Variants in GRM8 observed in about 807,000 individuals in gnomAD.
GRM8 encodes glutamate metabotropic receptor 8.
GRM8 carries 47 observed loss-of-function variants against 87.2 expected under a neutral mutation model. The ratio of observed to expected loss-of-function variants is 0.54; its 90% CI spans 0.43 to 0.69. The LOEUF is 0.69. GRM8 is among the 30% of genes least tolerant of loss of function. GRM8 has a pLI of 0.00. For synonymous variants in GRM8, 396 were observed against 404.5 expected (o/e 0.98, Z 0.25); for missense variants, 1,019 against 1,139.2 (o/e 0.89, Z 1.52).
chr7:127,075,941 C>T (rs186491504), intron 3 of GRM8: 4 of 319,202 alleles, frequency 1.3e-5, no homozygotes, highest in Non-Finnish European at 2.5e-5. Flanking sequence ...CCAAGAGCAC[C>T]CAGCAGAAGG....
intron 9 of GRM8, among the ~76,000 whole-genome samples, chr7:126,517,583 T>C (rs1349806520): frequency 6.6e-6 from 1 of 152,148 alleles, no homozygotes; most frequent in Non-Finnish European, 1.5e-5. Flanking sequence ...AGTTGTTATG[T>C]TAAACAGTGT....
chr7:126,802,070 A>G (rs983764610), intron 6 of GRM8, among the ~76,000 whole-genome samples: 1 of 152,204 alleles, frequency 6.6e-6, no homozygotes, highest in Admixed American at 6.5e-5. Context: ...AGCAAATAAA[A>G]ACTATATATT....
intron 7 of GRM8, among the ~76,000 whole-genome samples, chr7:126,739,519 G>A (rs1019656545): frequency 1.1e-4 from 16 of 151,816 alleles, no homozygotes; most frequent in Admixed American, 2.6e-4. Context: ...ATAAGACCAC[G>A]GTGTTACGTT....
chr7:126,757,839 C>T (rs1186171358), intron 7 of GRM8, among the ~76,000 whole-genome samples: 1 of 152,268 alleles, frequency 6.6e-6, no homozygotes, highest in East Asian at 1.9e-4. Context: ...AACCAACAAC[C>T]TCCACCTTCT....
At chr7:127,193,597 G>C (rs1265236202) in intron 2 of GRM8, among the ~76,000 whole-genome samples, 1 of 152,180 alleles carries the variant, frequency 6.6e-6, no homozygotes, top group Admixed American at 6.5e-5. Context: ...GTCTTTCTGA[G>C]GCTTAAAGAG....
intron 2 of GRM8, among the ~76,000 whole-genome samples, chr7:127,138,079 T>C (rs771732104): frequency 7.2e-5 from 11 of 152,236 alleles, no homozygotes; most frequent in Non-Finnish European, 5.9e-5. Context: ...ATCAAAAGTA[T>C]ACAAGCAGCA....
chr7:126,726,580 T>A lies in GRM8; in HGVS notation c.1357+43285A>T, dbSNP rs138077690. Among the ~76,000 whole-genome samples, 1,345 of 152,226 alleles carry A rather than the reference T, an allele frequency of 8.8e-3. 21 individuals are homozygous for A. Among genetic ancestry groups the A allele is most frequent in the African/African-American group, 0.03 (1,253 of 41,538 alleles). On this transcript the variant is annotated intron_variant, in intron 7 of 10. Coordinates refer to ENST00000339582, the MANE Select transcript of GRM8 (RefSeq NM_000845.3). ...GCCCAGAACAGGGCTGGGGCCCTGG[T>A]CCTATTGCCATTATCTTCCCCAAAA...
intron 3 of GRM8, among the ~76,000 whole-genome samples, chr7:127,102,030 C>T (rs1183104141): frequency 1.3e-5 from 2 of 152,198 alleles, no homozygotes; most frequent in African/African-American, 4.8e-5. Context: ...TATGCCTTAG[C>T]AAATAACTTG....
At chr7:126,619,841 C>A (rs1336062424) in intron 7 of GRM8, among the ~76,000 whole-genome samples, 4 of 152,018 alleles carry the variant, frequency 2.6e-5, no homozygotes, top group African/African-American at 9.7e-5. Flanking sequence ...CAGGCCTGTG[C>A]CACCATGCCC....
chr7:126,703,689 G>C (rs1810186389), intron 7 of GRM8, among the ~76,000 whole-genome samples: 1 of 152,108 alleles, frequency 6.6e-6, no homozygotes, highest in African/African-American at 2.4e-5. Flanking sequence ...TCTTTCAAGT[G>C]TCTAGGACTA....
At chr7:126,521,383 AT>A (rs890708584) in intron 9 of GRM8, among the ~76,000 whole-genome samples, 33 of 149,940 alleles carry the variant, frequency 2.2e-4, no homozygotes, top group East Asian at 9.7e-4. Flanking sequence ...TTTTTGAACT[AT>A]TTTTTTTTTC....
intron 3 of GRM8, among the ~76,000 whole-genome samples, chr7:127,072,339 C>T (rs917738915): frequency 1.6e-4 from 24 of 152,254 alleles, no homozygotes; most frequent in Admixed American, 6.5e-4. Context: ...TTCTTATGTG[C>T]GCCCCTCTTC....
chr7:127,015,173 A>AAGG, intron 3 of GRM8, among the ~76,000 whole-genome samples: 1 of 57,142 alleles, frequency 1.8e-5, no homozygotes, highest in Non-Finnish European at 3.6e-5. Flanking sequence ...GGAGAAGGAG[A>AAGG]AGGAGAAGAA....
At chr7:127,109,114 C>A (rs1311756959) in intron 2 of GRM8, among the ~76,000 whole-genome samples, 2 of 152,110 alleles carry the variant, frequency 1.3e-5, no homozygotes, top group East Asian at 3.8e-4. Flanking sequence ...TTTTTAAAGA[C>A]CTGGAATGTT....
At chr7:126,855,174 G>A (rs1797561508) in intron 6 of GRM8, among the ~76,000 whole-genome samples, 1 of 152,096 alleles carries the variant, frequency 6.6e-6, no homozygotes, top group African/African-American at 2.4e-5. Context: ...ATAGGAAACT[G>A]GAGAGTATTT....
chr7:126,675,516 A>G (rs181823620), intron 7 of GRM8, among the ~76,000 whole-genome samples: 23 of 152,318 alleles, frequency 1.5e-4, no homozygotes, highest in Admixed American at 1.4e-3. Context: ...AGCTAAATCC[A>G]ATAGCACATC....
intron 3 of GRM8, among the ~76,000 whole-genome samples, chr7:127,081,805 C>T (rs1035555069): frequency 6.6e-6 from 1 of 152,120 alleles, no homozygotes; most frequent in East Asian, 1.9e-4. Context: ...GAAATATTCA[C>T]CATCACGGGT....
intron 2 of GRM8, among the ~76,000 whole-genome samples, chr7:127,170,682 C>T (rs536703601): frequency 6.6e-6 from 1 of 152,274 alleles, no homozygotes; most frequent in Admixed American, 6.5e-5. Context: ...AAAATAATGG[C>T]ATTTGGACCA....
intron 7 of GRM8, among the ~76,000 whole-genome samples, chr7:126,759,810 T>C (rs1305836555): frequency 6.6e-6 from 1 of 152,188 alleles, no homozygotes; most frequent in Non-Finnish European, 1.5e-5. Context: ...TGTCTATGTA[T>C]CATCACCTTA....
Sources: gnomAD v4.1 joint callset for allele counts (sites outside exome capture counted in the v4.1 genomes callset) on GRCh38, gnomAD v4.1.1 for gene constraint, MANE v1.5 for transcripts, NCBI Gene and HGNC (gene_info 2026-07-23, HGNC 2026-07-21) for gene names.